Variants in UBASH3A observed in about 807,000 individuals in gnomAD.
UBASH3A encodes ubiquitin-associated and SH3 domain-containing protein A.
A neutral mutation model predicts 73.5 loss-of-function variants in UBASH3A; 63 were observed. The ratio of observed to expected loss-of-function variants is 0.86; its 90% CI spans 0.70 to 1.06. The LOEUF (loss-of-function observed/expected upper bound fraction) is 1.06. Ranked by LOEUF, UBASH3A falls within the 50% of genes least tolerant of loss-of-function variation. UBASH3A has a pLI of 0.00. For missense variants in UBASH3A, 860 were observed against 859.0 expected, an observed-to-expected ratio of 1.00 and a Z score of -0.02; for synonymous variants, 363 against 351.1, an observed-to-expected ratio of 1.03 and a Z score of -0.38.
In UBASH3A at chr21:42,413,365, G is replaced by C. The variant is rs187467904; in HGVS notation, c.554-45G>C. On this transcript the variant is annotated intron_variant, in intron 4 of 14. Transcript: ENST00000319294. This position sits in a 1 kb window ranked among gnomAD's most constrained non-coding sequence, Gnocchi z 4.5. ...CCAGCAGCAATGGTGGGATGGCTGG[G>C]TGGGCTTTCTTCCGGGCTCAGTGGC... 5.5e-5 allele frequency: 86 copies of C among 1,562,226 alleles called. 1 individual carries two copies. In the South Asian group the frequency reaches 7.2e-4, roughly 13 times the overall value.
intron 14 of UBASH3A, 136 bp downstream of exon 14, chr21:42,444,779 C>T (rs2053818393): frequency 4.2e-6 from 3 of 707,334 alleles, no homozygotes; most frequent in African/African-American, 1.8e-5. Context: ...CCCCCGGAGA[C>T]TGTGCCCACC....
Position 42,418,472 on chromosome 21 carries a change from C to T in UBASH3A, c.909C>T (p.Ile303=), listed in dbSNP as rs371391343. Reference sequence around the variant, plus strand: ...TGACGCTAAGTCCTGGTGACTACATCTTTGTGGACCCCACGCAGCAGGACG... The same window carrying T: ...TGACGCTAAGTCCTGGTGACTACATTTTTGTGGACCCCACGCAGCAGGACG... ...DELTLSPGDY[I]FVDPTQQDEA... Residue 303 remains isoleucine, a synonymous_variant, in exon 7 of 15, where the codon ATC becomes ATT. Coordinates refer to ENST00000319294, the MANE Select transcript of UBASH3A (RefSeq NM_018961.4). The T allele has an allele frequency of 4.3e-4, 700 of 1,614,262 alleles. 10 individuals carry two copies. In the South Asian group the frequency reaches 7.1e-3, roughly 16 times the overall value.
Position 42,405,994 on chromosome 21 carries a change from G to T in UBASH3A, c.114-314G>T, listed in dbSNP as rs1032068385. Reference sequence around the variant, plus strand: ...TTTGATCTAGGCAGTGGGGGGGGGGGGGGCAGGCCAGGGAGAGGGATTGCA... The same window carrying T: ...TTTGATCTAGGCAGTGGGGGGGGGGTGGGCAGGCCAGGGAGAGGGATTGCA... On this transcript the variant is annotated intron_variant, in intron 1 of 14. Coordinates refer to ENST00000319294, the MANE Select transcript of UBASH3A (RefSeq NM_018961.4). Among the ~76,000 whole-genome samples the T allele has an allele frequency of 5.3e-5, 8 of 150,784 alleles. No individual in the cohort carries two copies. The East Asian group carries it at 8.0e-4, about 15-fold the overall frequency.
intron 7 of UBASH3A, among the ~76,000 whole-genome samples, chr21:42,424,292 G>A (rs1303238209): frequency 6.6e-6 from 1 of 152,162 alleles, no homozygotes; most frequent in African/African-American, 2.4e-5. Context: ...CCAGGTAAGA[G>A]TCTGCAGCTC....
intron 1 of UBASH3A, among the ~76,000 whole-genome samples, chr21:42,405,823 C>T (rs1437846399): frequency 6.6e-6 from 1 of 152,060 alleles, no homozygotes; most frequent in Non-Finnish European, 1.5e-5. Context: ...CTGTGTAAGC[C>T]GTAACAAGTG....
rs148963776 is a variant in UBASH3A, at chr21:42,443,867, C to G, written c.1738+449C>G. On this transcript the variant is annotated intron_variant, in intron 13 of 14. Coordinates refer to ENST00000319294, the MANE Select transcript of UBASH3A (RefSeq NM_018961.4). ...TCCTGGGACTGAATGCTGATGGGAC[C>G]CAGGCCAGCAGGGTCACACAATCCA... Among the ~76,000 whole-genome samples the G allele has an allele frequency of 9.0e-4, 92 of 102,778 alleles. No homozygotes were observed. The East Asian group carries it at 0.018, about 20-fold the overall frequency. The allele number at this position is 102,778 out of a possible 152,430, so 67.4% of individuals were successfully genotyped here.
chr21:42,432,133 G>T lies in UBASH3A; in HGVS notation c.1201G>T (p.Val401Phe). Reference sequence around the variant, plus strand: ...CGTTGCAAGGAAGAGCGTGCTGGTGGTTCGCCACGGGGAGAGAGTGGATCA... The same window carrying T: ...CGTTGCAAGGAAGAGCGTGCTGGTGTTTCGCCACGGGGAGAGAGTGGATCA... ...ATVARKSVLV[V>F]RHGERVDQIF... is the part of the protein sequence containing the mutation. Residue 401 changes from valine to phenylalanine, a missense_variant, in exon 9 of 15, where the codon GTT becomes TTT. By Grantham distance (50) the Val-to-Phe change is conservative (BLOSUM62 -1). Transcript: ENST00000319294. The T allele has an allele frequency of 6.2e-7, 1 of 1,613,718 alleles. No individual in the cohort carries two copies. Among genetic ancestry groups the T allele is most frequent in the Non-Finnish European group, 8.5e-7 (1 of 1,179,798 alleles).
Position 42,413,199 on chromosome 21 carries a change from C to T in UBASH3A, c.530C>T (p.Ala177Val), listed in dbSNP as rs772379851. ...DVIREFAMTF[A>V]TEASLLAGTS... ...ATCCGGGAATTCGCCATGACCTTCG[C>T]CACGGAAGCATCTCTCTTAGCAGGT... Residue 177 changes from alanine (A) to valine (V), a missense_variant, in exon 4 of 15, where the codon GCC becomes GTC. Ala to Val is a moderately conservative substitution (Grantham distance 64). Coordinates refer to ENST00000319294, the MANE Select transcript of UBASH3A (RefSeq NM_018961.4). This position sits in a 1 kb window ranked among gnomAD's most constrained non-coding sequence, Gnocchi z 4.5. 3 of 1,614,246 alleles carry T rather than the reference C, an allele frequency of 1.9e-6. No individual in the cohort carries two copies. Among genetic ancestry groups the T allele is most frequent in the Non-Finnish European group, 2.5e-6 (3 of 1,180,044 alleles).
At chr21:42,404,111 C>T (rs2052919242) in intron 1 of UBASH3A, 53 bp downstream of exon 1, 1 of 1,061,562 alleles carries the variant, frequency 9.4e-7, no homozygotes, top group Admixed American at 3.8e-5. Context: ...GGTGCCAGAC[C>T]CTGCTGCGGC....
rs765737009 is a variant in UBASH3A at position 42,424,534 on chromosome 21, AG to A, written c.1047-2159del. 2.0e-5 allele frequency among the ~76,000 whole-genome samples: 3 copies of A among 152,280 alleles called. 1 individual carries two copies. Among genetic ancestry groups the A allele is most frequent in the East Asian group, 1.9e-4 (1 of 5,180 alleles). ...TCCAATCCTCTGTCCAGGAGAGCAG[AG>A]GGGAGCACCCCTGTGGGACAAACAA... On this transcript the variant is annotated intron_variant, in intron 7 of 14. Coordinates refer to ENST00000319294, the MANE Select transcript of UBASH3A (RefSeq NM_018961.4).
chr21:42,434,930 G>A lies in UBASH3A; in HGVS notation c.1369G>A (p.Gly457Ser), dbSNP rs745724397. Residue 457 changes from glycine (G) to serine (S), a missense_variant, in exon 10 of 15, where the codon GGC becomes AGC. By Grantham distance (56) the Gly-to-Ser change is moderately conservative. Transcript: ENST00000319294. ...FENDPPLSSC[G>S]IFQSRIAGDA... is the part of the protein sequence containing the mutation. ...AAACGATCCCCCATTATCATCGTGT[G>A]GCATTTTCCAGTCCAGAATTGCAGG... The A allele has an allele frequency of 3.0e-5, 49 of 1,614,068 alleles. No homozygotes were observed. Among genetic ancestry groups the A allele is most frequent in the Admixed American group, 5.0e-5 (3 of 60,004 alleles).
chr21:42,410,545 C>T (rs796820204), intron 3 of UBASH3A: 8 of 332,280 alleles, frequency 2.4e-5, no homozygotes, highest in African/African-American at 6.3e-5. Context: ...CCGGATTGCC[C>T]GAGACTTGCA....
rs758542616 is a variant in UBASH3A at position 42,447,067 on chromosome 21, T to G, written c.1859T>G (p.Leu620Arg). Residue 620 changes from leucine to arginine, a missense_variant, in exon 15 of 15, where the codon CTG becomes CGG. By Grantham distance (102) the Leu-to-Arg change is moderately radical. Transcript: ENST00000319294. ...FAQLVRKIPS[L>R]GMCFCEENKE... Reference sequence around the variant, plus strand: ...AAAACTCTGTTCCAGATCCCTTCCCTGGGCATGTGCTTCTGTGAAGAAAAT... The same window carrying G: ...AAAACTCTGTTCCAGATCCCTTCCCGGGGCATGTGCTTCTGTGAAGAAAAT... The G allele has an allele frequency of 3.7e-6, 6 of 1,613,344 alleles. No homozygotes were observed. In the East Asian group the frequency reaches 1.3e-4, roughly 36 times the overall value.
chr21:42,416,123 G>A lies in UBASH3A; in HGVS notation c.668-319G>A, dbSNP rs115913020. ...ACTGGAGCTCGGGCCTGCAAGTCCA[G>A]GCCACTGGGTAACGTGCACACCCCG... On this transcript the variant is annotated intron_variant, in intron 5 of 14. Coordinates refer to ENST00000319294, the MANE Select transcript of UBASH3A (RefSeq NM_018961.4). Among the ~76,000 whole-genome samples, 661 of 152,228 alleles carry A rather than the reference G, an allele frequency of 4.3e-3. 3 individuals are homozygous for A. The highest frequency in any genetic ancestry group is 0.015 in the African/African-American group (623 of 41,536).
chr21:42,443,047 G>A (rs2053776079), intron 12 of UBASH3A: 1 of 1,128,876 alleles, frequency 8.9e-7, no homozygotes, highest in East Asian at 3.1e-5. Context: ...TTTAGTCAAG[G>A]AGAGAGTCTT....
rs143885222 is a variant in UBASH3A at position 42,412,787 on chromosome 21, G to A, written c.355-237G>A. Reference sequence around the variant, plus strand: ...AACGACCAGGGGATTTCCAACCTGGGCACCTAAAGGAGACTCCAACCTGCA... The same window carrying A: ...AACGACCAGGGGATTTCCAACCTGGACACCTAAAGGAGACTCCAACCTGCA... On this transcript the variant is annotated intron_variant, in intron 3 of 14. Transcript: ENST00000319294. Among the ~76,000 whole-genome samples the A allele has an allele frequency of 6.4e-4, 97 of 152,274 alleles. No individual in the cohort carries two copies. In the East Asian group the frequency reaches 0.014, roughly 23 times the overall value.
chr21:42,430,083 G>A lies in UBASH3A; in HGVS notation c.1171-2020G>A, dbSNP rs562192297. Among the ~76,000 whole-genome samples, 6 of 152,274 alleles carry A rather than the reference G, an allele frequency of 3.9e-5. No individual in the cohort carries two copies. In the East Asian group the frequency reaches 7.7e-4, roughly 20 times the overall value. On this transcript the variant is annotated intron_variant, in intron 8 of 14. Transcript: ENST00000319294. ...AGGAGCTGCCCGTGGTGCTGACCCC[G>A]AGAATGCTTTCAAGGCAGGTGAAAT...
intron 11 of UBASH3A, among the ~76,000 whole-genome samples, chr21:42,438,420 G>A (rs989509489): frequency 3.3e-5 from 5 of 152,172 alleles, no homozygotes; most frequent in Non-Finnish European, 7.4e-5. Context: ...AGGGGCCCAG[G>A]ACATGGGCTG....
chr21:42,434,788 C>G, intron 9 of UBASH3A, 44 bp from the exon 10 acceptor site: 1 of 1,593,770 alleles, frequency 6.3e-7, no homozygotes, highest in Non-Finnish European at 8.6e-7. Context: ...CAAATCTGTA[C>G]TAACTTGATG....
Sources: gnomAD v4.1 joint callset for allele counts (sites outside exome capture counted in the v4.1 genomes callset) on GRCh38, gnomAD v4.1.1 for gene constraint, Gnocchi (gnomAD v3.1) non-coding constraint, MANE v1.5 for transcripts, NCBI Gene and HGNC (gene_info 2026-07-23, HGNC 2026-07-21) for gene names.